WASF2: variants seen among roughly 807,000 people sequenced by gnomAD.
WASF2 encodes WASP family member 2.
In WASF2, 14 loss-of-function variants were observed where a neutral mutation model predicts 45.0. The observed-to-expected ratio is 0.31, with a 90% CI of 0.21 to 0.49. WASF2 has a LOEUF of 0.49. Ranked by LOEUF, WASF2 falls within the 20% of genes least tolerant of loss-of-function variation. WASF2 has a pLI of 0.99. For missense variants in WASF2, 439 were observed against 636.1 expected (o/e 0.69, Z 3.33); for synonymous variants, 200 against 236.3 (o/e 0.85, Z 1.41).
chr1:27,476,541 T>C (rs1403812553), intron 1 of WASF2, among the ~76,000 whole-genome samples: 1 of 151,724 alleles, frequency 6.6e-6, no homozygotes, highest in Non-Finnish European at 1.5e-5. Flanking sequence ...AGGATACATA[T>C]TCAAACTACA....
At chr1:27,487,666 TATATATATTTTATATAATATATA>T (rs1557626745) in intron 1 of WASF2, among the ~76,000 whole-genome samples, 5 of 104,594 alleles carry the variant, frequency 4.8e-5, no homozygotes, top group African/African-American at 1.9e-4. Context: ...TAATATATAT[TATATATATTTTATATAATATATA>T]ATATATATTT....
chr1:27,422,965 C>T (rs538122585), intron 2 of WASF2, among the ~76,000 whole-genome samples: 1 of 151,810 alleles, frequency 6.6e-6, no homozygotes, highest in South Asian at 2.1e-4. Flanking sequence ...ATGGTGAAAC[C>T]CTGTCTCTAC....
intron 1 of WASF2, among the ~76,000 whole-genome samples, chr1:27,454,958 T>C (rs1214273841): frequency 6.6e-6 from 1 of 152,166 alleles, no homozygotes; most frequent in Admixed American, 6.6e-5. Context: ...CTGGTCCACA[T>C]ATGTAAAGTT....
At position 27,414,999 on chromosome 1, in the gene WASF2, C is replaced by G; in HGVS notation, c.538-36G>C. 6.2e-7 allele frequency: 1 copy of G among 1,607,810 alleles called. No homozygotes were observed. Among genetic ancestry groups the G allele is most frequent in the Non-Finnish European group, 8.5e-7 (1 of 1,176,498 alleles). On this transcript the variant is annotated intron_variant, in intron 5 of 8. Transcript: ENST00000618852. This position sits in a 1 kb window ranked among gnomAD's most constrained non-coding sequence, Gnocchi z 4.1. ...AAGGAACAGGAAGGTCTTTGTAGAA[C>G]ATTTTCCAAGTTCTTCATTAAAATT...
intron 1 of WASF2, among the ~76,000 whole-genome samples, chr1:27,468,286 G>GGA (rs907312471): frequency 2.6e-5 from 4 of 151,932 alleles, no homozygotes; most frequent in Non-Finnish European, 4.4e-5. Flanking sequence ...TCCAGAACGG[G>GGA]AGAATTACAC....
intron 1 of WASF2, among the ~76,000 whole-genome samples, chr1:27,487,104 G>T (rs996059219): frequency 1.4e-5 from 2 of 145,682 alleles, no homozygotes; most frequent in Admixed American, 7.0e-5. Context: ...AATCTATATA[G>T]AGAGATTTTT....
intron 1 of WASF2, among the ~76,000 whole-genome samples, chr1:27,478,158 C>G (rs1056787879): frequency 2.0e-5 from 3 of 148,926 alleles, no homozygotes; most frequent in African/African-American, 5.0e-5. Context: ...TGCAGCGAGC[C>G]GAGATCCTGC....
At chr1:27,432,993 C>A (rs961329816) in intron 1 of WASF2, among the ~76,000 whole-genome samples, 1 of 152,184 alleles carries the variant, frequency 6.6e-6, no homozygotes, top group East Asian at 1.9e-4. Context: ...TAACTTTTAG[C>A]CTCAAGCAAT....
In WASF2 at chr1:27,404,718, A is replaced by G. The variant is rs1282465069; in HGVS notation, c.*3471T>C. The G allele has an allele frequency of 6.6e-6, 1 of 152,228 alleles. No homozygotes were observed. Among genetic ancestry groups the G allele is most frequent in the African/African-American group, 2.4e-5 (1 of 41,458 alleles). The allele number at this position is 152,228 out of a possible 1,614,324, so 9.4% of individuals were successfully genotyped here. A position where few individuals can be genotyped will look rare whatever the true frequency, so the allele number is the denominator to read the frequency against. On this transcript the variant is annotated 3_prime_UTR_variant, in exon 9 of 9. Transcript: ENST00000618852. The stretch of plus-strand genomic sequence containing the variant: ...ACATCATTCTAGACAGAAAGTAAAA[A>G]CTGGTTAGTTCCTCAAGTGAATTAA...
intron 1 of WASF2, among the ~76,000 whole-genome samples, chr1:27,453,081 G>A (rs1571147299): frequency 6.8e-6 from 1 of 147,984 alleles, no homozygotes; most frequent in Non-Finnish European, 1.5e-5. Context: ...GTGTTACACA[G>A]CTGCAGTCTC....
chr1:27,438,259 T>C (rs1176932393), intron 1 of WASF2, among the ~76,000 whole-genome samples: 2 of 152,222 alleles, frequency 1.3e-5, no homozygotes, highest in Admixed American at 6.5e-5. Flanking sequence ...GCAACCTTTC[T>C]TTCTTGGCTC....
intron 2 of WASF2, among the ~76,000 whole-genome samples, chr1:27,428,247 G>A (rs1050258050): frequency 6.6e-6 from 1 of 152,168 alleles, no homozygotes; most frequent in Non-Finnish European, 1.5e-5. Context: ...TACCAGGGTG[G>A]ACAAGTCAGT....
chr1:27,453,984 ACG>A (rs1285456536), intron 1 of WASF2, among the ~76,000 whole-genome samples: 1 of 151,756 alleles, frequency 6.6e-6, no homozygotes. Flanking sequence ...ACTATCTTAA[ACG>A]TGTGACGTGT....
intron 2 of WASF2, among the ~76,000 whole-genome samples, chr1:27,427,201 A>G (rs1310157304): frequency 1.3e-5 from 2 of 152,208 alleles, no homozygotes; most frequent in African/African-American, 4.8e-5. Flanking sequence ...CTTGGGCATA[A>G]GGTGACTTTG....
chr1:27,456,097 C>T (rs914315736), intron 1 of WASF2, among the ~76,000 whole-genome samples: 1 of 151,922 alleles, frequency 6.6e-6, no homozygotes, highest in Non-Finnish European at 1.5e-5. Context: ...CCGAGGCAGG[C>T]GGATCACGAG....
intron 1 of WASF2, among the ~76,000 whole-genome samples, chr1:27,437,106 G>C (rs1440564446): frequency 1.3e-5 from 2 of 152,112 alleles, no homozygotes; most frequent in Non-Finnish European, 2.9e-5. Context: ...ATTATCTTTT[G>C]GGGGCAATAG....
At chr1:27,411,277 A>G (rs972078004) in intron 7 of WASF2, among the ~76,000 whole-genome samples, 3 of 152,274 alleles carry the variant, frequency 2.0e-5, no homozygotes, top group African/African-American at 7.2e-5. Flanking sequence ...AAAGTAACGG[A>G]GAAAACAGTG....
intron 1 of WASF2, among the ~76,000 whole-genome samples, chr1:27,453,665 G>A (rs1203168481): frequency 6.7e-6 from 1 of 149,806 alleles, no homozygotes; most frequent in Non-Finnish European, 1.5e-5. Flanking sequence ...GGCCAAGGCA[G>A]AAGGATCATG....
chr1:27,412,850 AT>A (rs1292698462), intron 6 of WASF2, 123 bp from the exon 7 acceptor site: 18 of 1,065,740 alleles, frequency 1.7e-5, no homozygotes, highest in Non-Finnish European at 2.4e-5. Context: ...AAATAGGTAT[AT>A]TTCCCACATA....
Sources: gnomAD v4.1 joint callset for allele counts (sites outside exome capture counted in the v4.1 genomes callset) on GRCh38, gnomAD v4.1.1 for gene constraint, Gnocchi (gnomAD v3.1) non-coding constraint, MANE v1.5 for transcripts, NCBI Gene and HGNC (gene_info 2026-07-23, HGNC 2026-07-21) for gene names.